The following FAM193A variants were observed in gnomAD, a reference collection of about 807,000 sequenced individuals.
FAM193A encodes protein FAM193A.
FAM193A carries 22 observed loss-of-function variants against 126.5 expected under a neutral mutation model. The ratio of observed to expected loss-of-function variants is 0.17; its 90% confidence interval spans 0.12 to 0.25. The LOEUF (loss-of-function observed/expected upper bound fraction) is 0.25, where lower values mean the gene tolerates loss of function less well. Among genes scored for constraint, FAM193A ranks in the 10% least tolerant of loss-of-function variants. The pLI, the probability that FAM193A is intolerant of heterozygous loss-of-function variation, is 1.00. For synonymous variants in FAM193A, 761 were observed against 646.8 expected, an observed-to-expected ratio of 1.18 and a Z score of -2.68; for missense variants, 1,675 against 1,672.8, an observed-to-expected ratio of 1.00 and a Z score of -0.02.
chr4:2,552,444 C>T (rs909041403), intron 1 of FAM193A, among the ~76,000 whole-genome samples: 4 of 152,114 alleles, frequency 2.6e-5, no homozygotes, highest in Non-Finnish European at 5.9e-5. Context: ...AGCCACCGTG[C>T]CTGGGCTTTT....
In FAM193A at chr4:2,566,261, A is replaced by G. The variant is rs1000489407; in HGVS notation, c.255+29091A>G. On this transcript the variant is annotated intron_variant, in intron 1 of 20. Transcript: ENST00000637812. ...ATGGGGTTTCACCGTGTTAGCCAGC[A>G]TGGTCTCGATCTTCTGACCTCGTGA... 3.9e-5 allele frequency among the ~76,000 whole-genome samples: 6 copies of G among 152,160 alleles called. 1 individual carries two copies. Among genetic ancestry groups the G allele is most frequent in the East Asian group, 1.9e-4 (1 of 5,154 alleles).
intron 1 of FAM193A, among the ~76,000 whole-genome samples, chr4:2,591,185 C>T (rs963777979): frequency 2.0e-5 from 3 of 151,798 alleles, no homozygotes. Context: ...AAAGGAAAGG[C>T]GGGGAGATTG....
At chr4:2,549,507 C>T (rs1276162697) in intron 1 of FAM193A, among the ~76,000 whole-genome samples, 1 of 144,860 alleles carries the variant, frequency 6.9e-6, no homozygotes, top group Non-Finnish European at 1.5e-5. Flanking sequence ...CGCCATTCTC[C>T]TGCCTCAGCC....
chr4:2,599,140 C>T (rs928793375), intron 2 of FAM193A, among the ~76,000 whole-genome samples: 2 of 152,086 alleles, frequency 1.3e-5, no homozygotes, highest in African/African-American at 2.4e-5. Context: ...TGGGAACATT[C>T]GTTTTGGGGC....
At chr4:2,573,132 C>A (rs949452113) in intron 1 of FAM193A, among the ~76,000 whole-genome samples, 2 of 151,928 alleles carry the variant, frequency 1.3e-5, no homozygotes, top group African/African-American at 4.8e-5. Context: ...TTTCCCGCCT[C>A]ACTCTTACTC....
chr4:2,558,045 G>A (rs765524003), intron 1 of FAM193A, among the ~76,000 whole-genome samples: 1 of 152,140 alleles, frequency 6.6e-6, no homozygotes, highest in Non-Finnish European at 1.5e-5. Context: ...GGCCGAGGTG[G>A]GTGGATCAGT....
chr4:2,684,481 A>G (rs1715502392), intron 13 of FAM193A, among the ~76,000 whole-genome samples: 1 of 151,964 alleles, frequency 6.6e-6, no homozygotes, highest in South Asian at 2.1e-4. Flanking sequence ...TTTGAATGAA[A>G]CCTTGAGCAT....
In FAM193A at chr4:2,700,310, C is replaced by G. The variant is rs753139071; in HGVS notation, c.4138C>G (p.Leu1380Val). 1 of 1,613,990 alleles carries G rather than the reference C, an allele frequency of 6.2e-7. No homozygotes were observed. The highest frequency in any genetic ancestry group is 1.1e-5 in the South Asian group (1 of 91,064). The change falls in exon 19 of 21, where the codon CTC becomes GTC. Residue 1380 changes from leucine (L) to valine (V), a missense_variant. Leu to Val is a conservative substitution (Grantham distance 32). Transcript: ENST00000637812. ...QTESKAKVVD[L>V]MSITEQKREE... ...TGAGTCAAAGGCTAAGGTGGTCGACCTCATGTCCATCACAGAGCAGAAAAG... is the reference window on the plus strand; with the variant it reads ...TGAGTCAAAGGCTAAGGTGGTCGACGTCATGTCCATCACAGAGCAGAAAAG...
chr4:2,584,115 A>C (rs951392820), intron 1 of FAM193A, among the ~76,000 whole-genome samples: 3 of 152,152 alleles, frequency 2.0e-5, no homozygotes, highest in Non-Finnish European at 4.4e-5. Context: ...TCTGTGATCT[A>C]TTTCAACTTA....
At chr4:2,620,821 A>G (rs1262156404) in intron 2 of FAM193A, among the ~76,000 whole-genome samples, 1 of 136,954 alleles carries the variant, frequency 7.3e-6, no homozygotes, top group Middle Eastern at 3.7e-3. Flanking sequence ...GGGCAAGAAG[A>G]CTGCAACTCC....
rs1379288947 is a variant in FAM193A at position 2,699,946 on chromosome 4, C to T, written c.3774C>T (p.Asn1258=). 2 of 1,614,022 alleles carry T rather than the reference C, an allele frequency of 1.2e-6. No individual in the cohort carries two copies. The highest frequency in any genetic ancestry group is 3.3e-5 in the Admixed American group (2 of 59,994). The change falls in exon 19 of 21, where the codon AAC becomes AAT. Residue 1258 remains asparagine (N), a synonymous_variant. Transcript: ENST00000637812. ...AATESVPNSG[N]IHNGSLEQTE... ...CAGAGTCTGTTCCTAACTCTGGAAA[C>T]ATCCACAATGGCTCACTAGAGCAAA...
rs776357650 is a variant in FAM193A, at chr4:2,672,285, A to T, written c.2244A>T (p.Gly748=). The change falls in exon 13 of 21, where the codon GGA becomes GGT. Residue 748 remains glycine, a synonymous_variant. Transcript: ENST00000637812. ...PALHLYPHIH[G]HVPLHTVPHL... is the part of the protein sequence containing the mutation. ...TGCACCTTTACCCTCACATCCATGG[A>T]CATGTGCCTTTGCACACTGTTCCAC... 16 of 1,614,030 alleles carry T rather than the reference A, an allele frequency of 9.9e-6. No individual in the cohort carries two copies. In the South Asian group the frequency reaches 1.6e-4, roughly 17 times the overall value.
chr4:2,575,763 G>A lies in FAM193A; in HGVS notation c.256-20321G>A, dbSNP rs960949213. 9.5e-4 allele frequency among the ~76,000 whole-genome samples: 145 copies of A among 152,100 alleles called. 2 individuals are homozygous for A. Among genetic ancestry groups the A allele is most frequent in the Admixed American group, 2.0e-4 (3 of 15,254 alleles). ...TTACAGACGTGAGCCATCGCGCCCG[G>A]CGAGATACTGGGATTGTAACATTTG... On this transcript the variant is annotated intron_variant, in intron 1 of 20. Coordinates refer to ENST00000637812, the MANE Select transcript of FAM193A (RefSeq NM_001366318.2).
intron 7 of FAM193A, among the ~76,000 whole-genome samples, chr4:2,647,679 C>A (rs1456289993): frequency 6.6e-6 from 1 of 152,176 alleles, no homozygotes; most frequent in Admixed American, 6.5e-5. Flanking sequence ...GGCGCCCCCT[C>A]CCCCCGCTTC....
chr4:2,584,602 G>A (rs147195314), intron 1 of FAM193A, among the ~76,000 whole-genome samples: 1 of 152,138 alleles, frequency 6.6e-6, no homozygotes, highest in East Asian at 1.9e-4. Flanking sequence ...GCTACTACTC[G>A]ATTACAGTTT....
At chr4:2,557,360 C>T (rs1390600894) in intron 1 of FAM193A, among the ~76,000 whole-genome samples, 2 of 152,140 alleles carry the variant, frequency 1.3e-5, no homozygotes, top group Non-Finnish European at 2.9e-5. Flanking sequence ...TCAGCCAGCT[C>T]TCCCTAATAT....
intron 19 of FAM193A, chr4:2,708,195 G>A (rs1220465679): frequency 4.5e-6 from 2 of 446,178 alleles, no homozygotes; most frequent in Non-Finnish European, 9.0e-6. Flanking sequence ...GTGCAATCTT[G>A]GCTCACTGCA....
At chr4:2,725,320 C>T (rs1720607318) in intron 20 of FAM193A, among the ~76,000 whole-genome samples, 1 of 151,866 alleles carries the variant, frequency 6.6e-6, no homozygotes, top group Admixed American at 6.6e-5. Flanking sequence ...TGGCACACTA[C>T]TGTAGTAGTT....
chr4:2,545,118 G>T (rs1049044329), intron 1 of FAM193A, among the ~76,000 whole-genome samples: 4 of 151,848 alleles, frequency 2.6e-5, no homozygotes, highest in African/African-American at 7.3e-5. Flanking sequence ...TCAGCCTCCC[G>T]AGTAGCTGGG....
Sources: gnomAD v4.1 joint callset for allele counts (sites outside exome capture counted in the v4.1 genomes callset) on GRCh38, gnomAD v4.1.1 for gene constraint, MANE v1.5 for transcripts, NCBI Gene and HGNC (gene_info 2026-07-23, HGNC 2026-07-21) for gene names.